ZRANB1: variants seen among roughly 807,000 people sequenced by gnomAD.
ZRANB1 encodes the protein ubiquitin thioesterase ZRANB1.
A neutral mutation model predicts 80.5 loss-of-function variants in ZRANB1; 16 were observed. The ratio of observed to expected loss-of-function variants is 0.20; its 90% CI spans 0.13 to 0.30. The LOEUF (loss-of-function observed/expected upper bound fraction) is 0.30. Ranked by LOEUF, ZRANB1 falls within the 10% of genes least tolerant of loss-of-function variation. ZRANB1 has a pLI of 1.00. For missense variants in ZRANB1, 576 were observed against 862.6 expected, an observed-to-expected ratio of 0.67 and a Z score of 4.16; for synonymous variants, 291 against 293.1, an observed-to-expected ratio of 0.99 and a Z score of 0.07.
Position 124,983,927 on chromosome 10 carries a change from G to A in ZRANB1, c.1908+239G>A, listed in dbSNP as rs1951968123. 6.6e-6 allele frequency among the ~76,000 whole-genome samples: 1 copy of A among 152,188 alleles called. No homozygotes were observed. The highest frequency in any genetic ancestry group is 2.1e-4 in the South Asian group (1 of 4,832). On this transcript the variant is annotated intron_variant, in intron 8 of 8. Transcript: ENST00000359653. The surrounding 1 kb of genome is among the most constrained non-coding windows in gnomAD (Gnocchi z 6.2). ...AGAAGAAAAAGTAAAGATGAGGTTT[G>A]TGATTTAAATATGGCATTTTAGGGA...
At chr10:124,920,815 G>T in the ZRANB1 span, among the ~76,000 whole-genome samples, 2 of 151,964 alleles carry the variant, frequency 1.3e-5, no homozygotes, top group Non-Finnish European at 2.9e-5. Flanking sequence ...TTCCCAACTA[G>T]TTTTTTAAGA....
intron 5 of ZRANB1, among the ~76,000 whole-genome samples, chr10:124,978,036 A>G (rs910015435): frequency 2.6e-5 from 4 of 152,164 alleles, no homozygotes; most frequent in African/African-American, 4.8e-5. Flanking sequence ...GATTACAGTG[A>G]TCACACAGAC....
chr10:124,931,244 C>T, the ZRANB1 span, among the ~76,000 whole-genome samples: 3 of 151,846 alleles, frequency 2.0e-5, no homozygotes, highest in East Asian at 1.9e-4. Context: ...AACTTTATAA[C>T]GATTTTTTGT....
At chr10:124,920,645 T>C in the ZRANB1 span, among the ~76,000 whole-genome samples, 1 of 151,826 alleles carries the variant, frequency 6.6e-6, no homozygotes, top group Non-Finnish European at 1.5e-5. Context: ...CTTGTATTCA[T>C]GGAGACAATG....
At chr10:124,975,776 CA>C (rs1264981502) in intron 5 of ZRANB1, among the ~76,000 whole-genome samples, 1 of 152,146 alleles carries the variant, frequency 6.6e-6, no homozygotes, top group Non-Finnish European at 1.5e-5. Context: ...CTGAGGCAGG[CA>C]GATCATTTGA....
At chr10:124,972,597 C>G (rs979609714) in intron 3 of ZRANB1, among the ~76,000 whole-genome samples, 2 of 152,058 alleles carry the variant, frequency 1.3e-5, no homozygotes, top group Non-Finnish European at 2.9e-5. Context: ...TATGTCATTC[C>G]TTTTTTACTC....
At position 124,973,028 on chromosome 10, in the gene ZRANB1, C is replaced by T. The variant is rs201222781; in HGVS notation, c.1157-617C>T. Among the ~76,000 whole-genome samples, 10 of 152,130 alleles carry T rather than the reference C, an allele frequency of 6.6e-5. No homozygotes were observed. In the East Asian group the frequency reaches 1.2e-3, roughly 18 times the overall value. ...TTTTTAATTTTTATGTTCAGACAAA[C>T]GGATTTTTACAAATTGTAGGAGATA... On this transcript the variant is annotated intron_variant, in intron 3 of 8. Coordinates refer to ENST00000359653, the MANE Select transcript of ZRANB1 (RefSeq NM_017580.3).
At chr10:124,948,930 C>T (rs1319583275) in intron 1 of ZRANB1, among the ~76,000 whole-genome samples, 1 of 152,148 alleles carries the variant, frequency 6.6e-6, no homozygotes, top group Non-Finnish European at 1.5e-5. Context: ...CTATGAATTT[C>T]TAGATTCTTT....
rs764851140 is a variant in ZRANB1, at chr10:124,948,514, C to CT, written c.814+5219dup. On this transcript the variant is annotated intron_variant, in intron 1 of 8. Coordinates refer to ENST00000359653, the MANE Select transcript of ZRANB1 (RefSeq NM_017580.3). ...ATTTCATTCCAGCCACTCTTGCCACCTTTTTTTTTTTTCCTATAAATAAGC... is the reference window on the plus strand; with the variant it reads ...ATTTCATTCCAGCCACTCTTGCCACCTTTTTTTTTTTTTCCTATAAATAAGC... 6.0e-3 allele frequency among the ~76,000 whole-genome samples: 869 copies of CT among 144,870 alleles called. 9 individuals are homozygous for CT. The highest frequency in any genetic ancestry group is 0.019 in the African/African-American group (743 of 39,812).
the ZRANB1 span, among the ~76,000 whole-genome samples, chr10:124,917,953 A>G: frequency 3.9e-5 from 6 of 152,300 alleles, no homozygotes; most frequent in African/African-American, 1.4e-4. Context: ...AGGGACAGGC[A>G]GTTTAGGTTA....
Position 124,986,956 on chromosome 10 carries a change from G to A in ZRANB1, c.*1964G>A, listed in dbSNP as rs1322312638. On this transcript the variant is annotated 3_prime_UTR_variant, in exon 9 of 9. Transcript: ENST00000359653. Reference sequence around the variant, plus strand: ...TGGTCTGGTGAGTGTTGTTTCCCCTGAGCGCTCTATTATTTATTTATTTAT... The same window carrying A: ...TGGTCTGGTGAGTGTTGTTTCCCCTAAGCGCTCTATTATTTATTTATTTAT... The A allele has an allele frequency of 6.6e-6, 1 of 151,096 alleles. No individual in the cohort carries two copies. The highest frequency in any genetic ancestry group is 1.5e-5 in the Non-Finnish European group (1 of 67,478). 9.4% of individuals were successfully genotyped at this position (151,096 alleles called of 1,614,324 possible). A position where few individuals can be genotyped will look rare whatever the true frequency, so the allele number is the denominator to read the frequency against.
chr10:124,940,776 A>G (rs1427920545), upstream of ZRANB1, among the ~76,000 whole-genome samples: 6 of 152,082 alleles, frequency 3.9e-5, no homozygotes, highest in Non-Finnish European at 8.8e-5. Context: ...GAGTTCATCA[A>G]GAGAAGCCCG....
upstream of ZRANB1, among the ~76,000 whole-genome samples, chr10:124,938,340 T>C (rs1294087880): frequency 1.3e-5 from 2 of 151,796 alleles, no homozygotes; most frequent in African/African-American, 4.9e-5. Context: ...GAATTTTTTC[T>C]TTTCTTTTTT....
At chr10:124,944,961 G>T (rs567415762) in intron 1 of ZRANB1, among the ~76,000 whole-genome samples, 2 of 152,266 alleles carry the variant, frequency 1.3e-5, no homozygotes, top group East Asian at 3.9e-4. Flanking sequence ...TTCTGTCTGT[G>T]TTGTCCCATT....
At position 124,983,733 on chromosome 10, in the gene ZRANB1, C is replaced by G. The variant is rs1261650278; in HGVS notation, c.1908+45C>G. The G allele has an allele frequency of 7.0e-7, 1 of 1,437,822 alleles. No individual in the cohort carries two copies. 89.1% of individuals were successfully genotyped at this position (1,437,822 alleles called of 1,614,324 possible). A position where few individuals can be genotyped will look rare whatever the true frequency, so the allele number is the denominator to read the frequency against. On this transcript the variant is annotated intron_variant, in intron 8 of 8. Coordinates refer to ENST00000359653, the MANE Select transcript of ZRANB1 (RefSeq NM_017580.3). The surrounding 1 kb of genome is among the most constrained non-coding windows in gnomAD (Gnocchi z 6.2). ...AACTATTTCTAGTAGTGACCTTGTA[C>G]CAGAAACAGCCTGAAGTGCCTTTCA...
At position 124,986,084 on chromosome 10, in the gene ZRANB1, T is replaced by C. The variant is rs1327541180; in HGVS notation, c.*1092T>C. ...GCATGTTGGTTAATTGTGGCCATTC[T>C]TTAATTTAAAGTTAAAACTATAATC... On this transcript the variant is annotated 3_prime_UTR_variant, in exon 9 of 9. Transcript: ENST00000359653. 1 of 152,634 alleles carries C rather than the reference T, an allele frequency of 6.6e-6. No individual in the cohort carries two copies. The highest frequency in any genetic ancestry group is 2.4e-5 in the African/African-American group (1 of 41,432). 9.5% of individuals were successfully genotyped at this position (152,634 alleles called of 1,614,324 possible).
upstream of ZRANB1, among the ~76,000 whole-genome samples, chr10:124,941,447 G>A (rs933286019): frequency 2.0e-5 from 3 of 152,076 alleles, no homozygotes; most frequent in African/African-American, 7.2e-5. Flanking sequence ...TCTGCCTGCC[G>A]GGTTCAAGCA....
intron 1 of ZRANB1, among the ~76,000 whole-genome samples, chr10:124,949,821 C>T (rs576324584): frequency 6.6e-6 from 1 of 152,254 alleles, no homozygotes; most frequent in Non-Finnish European, 1.5e-5. Context: ...TGCTGAAATA[C>T]TCAGTTGCCC....
chr10:124,948,790 T>C (rs72828958), intron 1 of ZRANB1, among the ~76,000 whole-genome samples: 4,486 of 152,312 alleles, frequency 0.029, 74 homozygotes, highest in Non-Finnish European at 0.046. Flanking sequence ...TATGTTTTGT[T>C]CAAAGCTGTA....
Sources: allele counts gnomAD v4.1 joint callset (sites outside exome capture counted in the v4.1 genomes callset), GRCh38; gene constraint gnomAD v4.1.1; non-coding constraint Gnocchi (gnomAD v3.1); transcripts MANE v1.5; gene names NCBI Gene and HGNC (gene_info 2026-07-23, HGNC 2026-07-21).